Variants in RIMS2 observed in about 807,000 individuals in gnomAD.
RIMS2 encodes regulating synaptic membrane exocytosis protein 2.
Under a neutral mutation model 174.4 loss-of-function variants are expected in RIMS2, and 59 were observed. The ratio of observed to expected loss-of-function variants is 0.34; its 90% CI spans 0.27 to 0.42. The LOEUF (loss-of-function observed/expected upper bound fraction) is 0.42. RIMS2 is among the 10% of genes least tolerant of loss of function. The probability of loss-of-function intolerance (pLI) is 1.00; values close to 1 mark genes in which losing one functional copy is unlikely to be tolerated. For synonymous variants in RIMS2, 606 were observed against 572.5 expected (o/e 1.06, Z -0.84); for missense variants, 1,620 against 1,666.3 (o/e 0.97, Z 0.48).
At chr8:103,722,763 T>C (rs2097468806) in intron 2 of RIMS2, among the ~76,000 whole-genome samples, 1 of 152,174 alleles carries the variant, frequency 6.6e-6, no homozygotes, top group South Asian at 2.1e-4. Flanking sequence ...TCCTGTTAGA[T>C]TTGCTGGGTC....
At chr8:103,969,808 C>A (rs2092644459) in intron 15 of RIMS2, among the ~76,000 whole-genome samples, 2 of 152,088 alleles carry the variant, frequency 1.3e-5, no homozygotes, top group African/African-American at 2.4e-5. Context: ...AGGGCAGTGG[C>A]ACGATCCCAA....
At chr8:104,176,440 G>C (rs2098895497) in intron 19 of RIMS2, among the ~76,000 whole-genome samples, 1 of 151,998 alleles carries the variant, frequency 6.6e-6, no homozygotes, top group South Asian at 2.1e-4. Context: ...TTACTGGCCT[G>C]GCATCAAATC....
intron 2 of RIMS2, among the ~76,000 whole-genome samples, chr8:103,752,901 C>A (rs1269868173): frequency 9.9e-5 from 15 of 152,218 alleles, no homozygotes; most frequent in African/African-American, 3.1e-4. Context: ...TTGACTTCCT[C>A]TTTTCCTAAT....
intron 20 of RIMS2, 147 bp from the exon 27 acceptor site, chr8:104,248,554 G>A (rs748137846): frequency 2.3e-5 from 14 of 616,584 alleles, no homozygotes; most frequent in Non-Finnish European, 3.5e-5. Context: ...GTCCTGGGAG[G>A]TGGAACTGGG....
intron 1 of RIMS2, among the ~76,000 whole-genome samples, chr8:103,608,532 TCCC>T (rs2095236634): frequency 2.2e-5 from 3 of 134,238 alleles, no homozygotes; most frequent in Admixed American, 7.0e-5. Flanking sequence ...AGTTCGAGCT[TCCC>T]GCTGCTTTGT....
intron 1 of RIMS2, among the ~76,000 whole-genome samples, chr8:103,639,999 T>C (rs915211555): frequency 5.3e-5 from 8 of 151,876 alleles, no homozygotes; most frequent in Non-Finnish European, 4.4e-5. Context: ...TTATTTAAAT[T>C]TTCTTATATT....
chr8:103,542,654 T>C (rs1347465408), intron 1 of RIMS2, among the ~76,000 whole-genome samples: 1 of 152,132 alleles, frequency 6.6e-6, no homozygotes, highest in Non-Finnish European at 1.5e-5. Flanking sequence ...TTCAACACCA[T>C]ATTAAATGGA....
At chr8:103,880,852 C>A (rs949332623) in intron 3 of RIMS2, among the ~76,000 whole-genome samples, 7 of 151,128 alleles carry the variant, frequency 4.6e-5, no homozygotes, top group African/African-American at 1.7e-4. Context: ...TCTGTTAAAT[C>A]CTTGATTTAA....
chr8:103,877,879 T>C (rs2099148795), intron 3 of RIMS2, among the ~76,000 whole-genome samples: 1 of 151,916 alleles, frequency 6.6e-6, no homozygotes. Context: ...GGGATGTTTA[T>C]CCATTTGTTT....
At chr8:103,634,761 C>T (rs1011533654) in intron 1 of RIMS2, among the ~76,000 whole-genome samples, 30 of 152,104 alleles carry the variant, frequency 2.0e-4, no homozygotes, top group African/African-American at 6.8e-4. Flanking sequence ...AACTCTTTAC[C>T]GTTATGTAAT....
chr8:104,136,950 T>TA (rs552363299), intron 19 of RIMS2, among the ~76,000 whole-genome samples: 6 of 152,070 alleles, frequency 3.9e-5, no homozygotes, highest in African/African-American at 1.4e-4. Flanking sequence ...ATTTAAAAGT[T>TA]AAAAAAAATT....
chr8:103,697,552 AAAAAAAAC>A lies in RIMS2; in HGVS notation c.387+264_387+271del, dbSNP rs1229787810. Among the ~76,000 whole-genome samples the A allele has an allele frequency of 2.7e-5, 4 of 150,610 alleles. No individual in the cohort carries two copies. The East Asian group carries it at 7.8e-4, about 30-fold the overall frequency. ...GGTGAAACCCTGTCTCTACGAAAAA[AAAAAAAAC>A]AAAAAAAACCCACAAAAATTAGCCA... On this transcript the variant is annotated intron_variant, in intron 2 of 23. Transcript: ENST00000504942.
At chr8:104,054,865 A>G in intron 19 of RIMS2, among the ~76,000 whole-genome samples, 1 of 152,274 alleles carries the variant, frequency 6.6e-6, no homozygotes, top group South Asian at 2.1e-4. Flanking sequence ...TGTTATTAGC[A>G]TAAAGAAAAT....
At chr8:103,791,631 C>T (rs199626785) in intron 3 of RIMS2, among the ~76,000 whole-genome samples, 2 of 152,092 alleles carry the variant, frequency 1.3e-5, no homozygotes, top group East Asian at 1.9e-4. Context: ...CTGGCAAATT[C>T]GGTAAAGAGT....
intron 1 of RIMS2, among the ~76,000 whole-genome samples, chr8:103,672,097 T>C (rs1564234357): frequency 6.6e-6 from 1 of 152,110 alleles, no homozygotes. Flanking sequence ...GCCAAAGGGA[T>C]AAATAAAAGG....
At chr8:103,592,143 T>A (rs2133347711) in intron 1 of RIMS2, among the ~76,000 whole-genome samples, 1 of 151,328 alleles carries the variant, frequency 6.6e-6, no homozygotes, top group East Asian at 1.9e-4. Flanking sequence ...GGAGAATATT[T>A]TGAGAAATTG....
chr8:103,595,743 T>C (rs1345564682), intron 1 of RIMS2, among the ~76,000 whole-genome samples: 30 of 152,090 alleles, frequency 2.0e-4, no homozygotes, highest in Non-Finnish European at 7.4e-5. Context: ...GGAAGAGATG[T>C]AGTTGTTGCT....
At chr8:104,097,763 A>G (rs1046766628) in intron 19 of RIMS2, among the ~76,000 whole-genome samples, 1 of 152,298 alleles carries the variant, frequency 6.6e-6, no homozygotes, top group Admixed American at 6.5e-5. Context: ...CTCAACCTAT[A>G]TATGATTGAC....
At chr8:104,252,534 A>AG, downstream of RIMS2, 1 of 152,456 alleles carries the variant, frequency 6.6e-6, no homozygotes, top group East Asian at 1.9e-4. Context: ...TTGCAAAAAA[A>AG]AAAAAAAGAA....
Sources: allele counts gnomAD v4.1 joint callset (sites outside exome capture counted in the v4.1 genomes callset), GRCh38; gene constraint gnomAD v4.1.1; transcripts MANE v1.5; gene names NCBI Gene and HGNC (gene_info 2026-07-23, HGNC 2026-07-21).